The following PLEC variants were observed in gnomAD, a reference collection of about 807,000 sequenced individuals.
PLEC encodes plectin, also known as hemidesmosomal protein 1.
In PLEC, 216 loss-of-function variants were observed where a neutral mutation model predicts 392.8. That is an observed-to-expected ratio of 0.55 (90% CI 0.49 to 0.62). PLEC has a LOEUF of 0.62. PLEC is among the 20% of genes least tolerant of loss of function. The pLI, the probability that PLEC is intolerant of heterozygous loss-of-function variation, is 0.00. For missense variants in PLEC, 6,863 were observed against 6,563.4 expected, an observed-to-expected ratio of 1.05 and a Z score of -1.58; for synonymous variants, 3,621 against 2,980.6, an observed-to-expected ratio of 1.21 and a Z score of -7.00.
rs782140442 is a variant in PLEC at position 143,924,911 on chromosome 8, G to A, written c.5018C>T (p.Ala1673Val). The A allele has an allele frequency of 8.2e-6, 13 of 1,586,154 alleles. No individual in the cohort carries two copies. The highest frequency in any genetic ancestry group is 2.3e-5 in the East Asian group (1 of 44,108). Reference protein sequence around the residue: ...EKQKEEAEREARRRGKAEEQA... With the variant: ...EKQKEEAEREVRRRGKAEEQA... The stretch of plus-strand genomic sequence containing the variant: ...CTCCTCCGCCTTGCCGCGCCGCCGC[G>A]CCTCGCGCTCCGCCTCCTCCTTCTG... Residue 1673 changes from alanine to valine, a missense_variant, in exon 31 of 32, where the codon GCG (alanine) becomes GTG (valine). Physicochemically the swap from Ala to Val is moderately conservative, Grantham distance 64. Transcript: ENST00000345136.
upstream of PLEC, chr8:143,958,637 A>G (rs569264091): frequency 6.6e-6 from 3 of 451,644 alleles, no homozygotes; most frequent in African/African-American, 6.1e-5. The surrounding 1 kb of genome is among the most constrained non-coding windows in gnomAD (Gnocchi z 4.9). Context: ...TCCGAGCACA[A>G]GCAGGTCCCA....
chr8:143,950,549 G>A (rs1440471266), exon 1 of PLEC: 4 of 1,608,020 alleles, frequency 2.5e-6, no homozygotes, highest in Non-Finnish European at 3.4e-6. Context: ...CCGCAGGGAC[G>A]CCATGGCACG....
rs544632319 is a variant in PLEC at position 143,916,232 on chromosome 8, C to T, written c.13589G>A (p.Arg4530His). ...SSYSSSGYGR[R>H]YASGSSASLG... is the part of the protein sequence containing the mutation. ...GGAGGCCGAGGACCCCGAGGCGTAG[C>T]GGCGGCCGTAGCCCGAGGAGGAGTA... The change falls in exon 32 of 32, where the codon CGC becomes CAC. Residue 4530 changes from arginine (R) to histidine (H), a missense_variant. By Grantham distance (29) the Arg-to-His change is conservative (BLOSUM62 0). Coordinates refer to ENST00000345136, the MANE Select transcript of PLEC (RefSeq NM_201384.3). 1.8e-5 allele frequency: 28 copies of T among 1,546,384 alleles called. No individual in the cohort carries two copies. The highest frequency in any genetic ancestry group is 1.5e-4 in the South Asian group (13 of 84,318).
At position 143,916,153 on chromosome 8, in the gene PLEC, A is replaced by T; in HGVS notation, c.*24T>A. ...GTGGGAGCCGGGCTGGGCCGCATGC[A>T]GAGCGGGGTGGGCGCAGGCAGCCTC... On this transcript the variant is annotated 3_prime_UTR_variant, in exon 32 of 32. Coordinates refer to ENST00000345136, the MANE Select transcript of PLEC (RefSeq NM_201384.3). 1.3e-6 allele frequency: 2 copies of T among 1,506,152 alleles called. No homozygotes were observed. Among genetic ancestry groups the T allele is most frequent in the Non-Finnish European group, 1.8e-6 (2 of 1,128,164 alleles). The allele number at this position is 1,506,152 out of a possible 1,614,324, so 93.3% of individuals were successfully genotyped here. A position where few individuals can be genotyped will look rare whatever the true frequency, so the allele number is the denominator to read the frequency against.
At chr8:143,973,613 C>T, upstream of PLEC, 6 of 827,772 alleles carry the variant, frequency 7.2e-6, no homozygotes, top group Non-Finnish European at 8.7e-6. This position sits in a 1 kb window ranked among gnomAD's most constrained non-coding sequence, Gnocchi z 5.6. Flanking sequence ...GCCCCACGGG[C>T]GGGGCGGGGC....
In PLEC at chr8:143,926,830, T is replaced by C. The variant is rs781883422; in HGVS notation, c.3998A>G (p.Tyr1333Cys). Residue 1333 changes from tyrosine (Y) to cysteine (C), a missense_variant, in exon 30 of 32, where the codon TAC becomes TGC. Tyr to Cys is a radical substitution (Grantham distance 194). Transcript: ENST00000345136. ...CAGAGTCTCGCTGATGAACTTGATGTACTGGCTCGTCAGTGTGGTCAGCTC... is the reference window on the plus strand; with the variant it reads ...CAGAGTCTCGCTGATGAACTTGATGCACTGGCTCGTCAGTGTGGTCAGCTC... Reference protein sequence around the residue: ...YSELTTLTSQYIKFISETLRR... With the variant: ...YSELTTLTSQCIKFISETLRR... 5 of 1,613,754 alleles carry C rather than the reference T, an allele frequency of 3.1e-6. No homozygotes were observed. The highest frequency in any genetic ancestry group is 4.2e-6 in the Non-Finnish European group (5 of 1,180,002).
At chr8:143,975,352 A>C, upstream of PLEC, 1 of 1,609,686 alleles carries the variant, frequency 6.2e-7, no homozygotes, top group Non-Finnish European at 8.5e-7. The surrounding 1 kb of genome is among the most constrained non-coding windows in gnomAD (Gnocchi z 9.9). Context: ...CCCGGACCTC[A>C]GCGTCCTCAC....
Position 143,929,358 on chromosome 8 carries a change from G to C in PLEC, c.3081+56C>G, listed in dbSNP as rs1275177294. 3 of 1,573,428 alleles carry C rather than the reference G, an allele frequency of 1.9e-6. No individual in the cohort carries two copies. In the African/African-American group the frequency reaches 4.0e-5, roughly 21 times the overall value. ...GCCCCTTGAAGGCCAAAGGAGGGAG[G>C]GTGGGAGGAGGGATGGGGAGAGGGA... On this transcript the variant is annotated intron_variant, in intron 24 of 31. Transcript: ENST00000345136.
upstream of PLEC, among the ~76,000 whole-genome samples, chr8:143,941,968 C>T (rs1040130014): frequency 2.0e-5 from 3 of 152,184 alleles, no homozygotes; most frequent in African/African-American, 7.2e-5. Flanking sequence ...GGCTGAGGTC[C>T]CGCAGCTAGT....
exon 1 of PLEC, chr8:143,950,667 C>T (rs1403490971): frequency 6.3e-7 from 1 of 1,579,314 alleles, no homozygotes. Context: ...TCATAGATGG[C>T]CCGCAGCTGG....
Position 143,920,311 on chromosome 8 carries a change from G to A in PLEC, c.9510C>T (p.Ala3170=), listed in dbSNP as rs782254956. Residue 3170 remains alanine, a synonymous_variant, in exon 32 of 32, where the codon GCC becomes GCT. Coordinates refer to ENST00000345136, the MANE Select transcript of PLEC (RefSeq NM_201384.3). The stretch of plus-strand genomic sequence containing the variant: ...TGGCGTCGGCCCTTGGTGCCGACAG[G>A]GCCCTGCTGGTCTCCTCATCCAGGC... The part of the protein sequence containing the change: ...RGCLDEETSR[A]LSAPRADAKA... The A allele has an allele frequency of 6.3e-7, 1 of 1,591,068 alleles. No individual in the cohort carries two copies.
In PLEC at chr8:143,929,395, G is replaced by C. The variant is rs140068101; in HGVS notation, c.3081+19C>G. ...GATGGGGAGAGGGATGGGACTGGAT[G>C]GGGGGGGACGGCCCCTGCCTGCTGC... On this transcript the variant is annotated intron_variant, in intron 24 of 31. Coordinates refer to ENST00000345136, the MANE Select transcript of PLEC (RefSeq NM_201384.3). 1.3e-5 allele frequency: 21 copies of C among 1,556,894 alleles called. No individual in the cohort carries two copies. Among genetic ancestry groups the C allele is most frequent in the Non-Finnish European group, 1.6e-5 (18 of 1,153,476 alleles).
At position 143,927,928 on chromosome 8, in the gene PLEC, C is replaced by T. The variant is rs782316766; in HGVS notation, c.3325G>A (p.Glu1109Lys). The T allele has an allele frequency of 1.4e-5, 23 of 1,602,010 alleles. No individual in the cohort carries two copies. Among genetic ancestry groups the T allele is most frequent in the Admixed American group, 6.9e-5 (4 of 58,172 alleles). Residue 1109 changes from glutamate (E) to lysine (K), a missense_variant, in exon 26 of 32, where the codon GAG becomes AAG. Physicochemically the swap from Glu to Lys is moderately conservative, Grantham distance 56 (BLOSUM62 1). Transcript: ENST00000345136. The part of the protein sequence containing the change: ...QGAEEVLRAH[E>K]EQLKEAQAVP... ...GCCTGGGCCTCCTTGAGCTGCTCCT[C>T]GTGGGCCCTGAGCACCTCCTCGGCC...
At position 143,934,741 on chromosome 8, in the gene PLEC, C is replaced by T. The variant is rs551331225; in HGVS notation, c.946-11G>A. 9 of 1,612,168 alleles carry T rather than the reference C, an allele frequency of 5.6e-6. No homozygotes were observed. The highest frequency in any genetic ancestry group is 4.0e-5 in the African/African-American group (3 of 74,936). ...CTGAGACCACAGGATCTGCCAGGGA[C>T]GAGGCTGTCGGCAACCACGCCGGGC... On this transcript the variant is annotated splice_polypyrimidine_tract_variant and intron_variant, in intron 9 of 31. Transcript: ENST00000345136.
chr8:143,921,371 T>C lies in PLEC; in HGVS notation c.8450A>G (p.Asp2817Gly), dbSNP rs782062840. 2 of 1,613,136 alleles carry C rather than the reference T, an allele frequency of 1.2e-6. No homozygotes were observed. The highest frequency in any genetic ancestry group is 1.7e-6 in the Non-Finnish European group (2 of 1,179,770). ...EAQIATGGVI[D>G]PVHSHRVPVD... ...GGGCACGCGGTGGCTGTGCACGGGG[T>C]CGATAACGCCGCCCGTGGCGATCTG... The change falls in exon 32 of 32, where the codon GAC becomes GGC. Residue 2817 changes from aspartate to glycine, a missense_variant. By Grantham distance (94) the Asp-to-Gly change is moderately conservative (BLOSUM62 -1). Transcript: ENST00000345136.
rs182319389 is a variant in PLEC at position 143,950,044 on chromosome 8, G to A, written c.523+140C>T. On this transcript the variant is annotated intron_variant, in intron 1 of 31. Coordinates refer to the PLEC transcript ENST00000322810. ...GCGCACCCCCTGACCCTCGGCTAGG[G>A]GGGGCCACCTGCTGGTGTGAGCGAC... 5,028 of 1,146,918 alleles carry A rather than the reference G, an allele frequency of 4.4e-3. 17 individuals are homozygous for A. Among genetic ancestry groups the A allele is most frequent in the Non-Finnish European group, 5.4e-3 (4,488 of 838,478 alleles). The allele number at this position is 1,146,918 out of a possible 1,614,324, so 71.0% of individuals were successfully genotyped here.
chr8:143,968,587 G>A (rs1482560883), intron 1 of PLEC, among the ~76,000 whole-genome samples: 5 of 138,456 alleles, frequency 3.6e-5, no homozygotes, highest in Non-Finnish European at 7.8e-5. Context: ...CACAGAAACA[G>A]AAAATGTTTG....
In PLEC at chr8:143,916,109, A is replaced by G. The variant is rs1820412431; in HGVS notation, c.*68T>C. On this transcript the variant is annotated 3_prime_UTR_variant, in exon 32 of 32. Transcript: ENST00000345136. ...GGAGGAAGACACCTTTAAGCGTTGA[A>G]AACGGCCCCCGCGCCTCGGTGGGAG... 1.1e-5 allele frequency: 13 copies of G among 1,228,358 alleles called. No individual in the cohort carries two copies. The South Asian group carries it at 1.6e-4, about 15-fold the overall frequency. The allele number at this position is 1,228,358 out of a possible 1,614,324, so 76.1% of individuals were successfully genotyped here.
At position 143,925,204 on chromosome 8, in the gene PLEC, C is replaced by T; in HGVS notation, c.4725G>A (p.Glu1575=). Residue 1575 remains glutamate, a synonymous_variant, in exon 31 of 32, where the codon GAG becomes GAA. Transcript: ENST00000345136. The part of the protein sequence containing the change: ...VALETAQRSA[E]AELQSKRASF... ...AGGCGCGTTTGCTCTGCAGCTCCGC[C>T]TCTGCACTGCGCTGCGCCGTCTCCA... The T allele has an allele frequency of 1.9e-6, 3 of 1,587,690 alleles. No individual in the cohort carries two copies. Among genetic ancestry groups the T allele is most frequent in the Non-Finnish European group, 2.6e-6 (3 of 1,175,346 alleles).
Sources: allele counts gnomAD v4.1 joint callset (sites outside exome capture counted in the v4.1 genomes callset), GRCh38; gene constraint gnomAD v4.1.1; non-coding constraint Gnocchi (gnomAD v3.1); transcripts MANE v1.5; gene names NCBI Gene and HGNC (gene_info 2026-07-23, HGNC 2026-07-21).